GPT2: variants seen among roughly 807,000 people sequenced by gnomAD.
GPT2 encodes alanine aminotransferase 2.
A neutral mutation model predicts 56.9 loss-of-function variants in GPT2; 30 were observed. The ratio of observed to expected loss-of-function variants is 0.53; its 90% CI spans 0.39 to 0.72. The LOEUF (loss-of-function observed/expected upper bound fraction) is 0.72, where lower values mean the gene tolerates loss of function less well. Among genes scored for constraint, GPT2 ranks in the 30% least tolerant of loss-of-function variants. The pLI, the probability that GPT2 is intolerant of heterozygous loss-of-function variation, is 0.00. For synonymous variants in GPT2, 271 were observed against 283.1 expected, an observed-to-expected ratio of 0.96 and a Z score of 0.43; for missense variants, 542 against 703.4, an observed-to-expected ratio of 0.77 and a Z score of 2.60.
intron 4 of GPT2, 107 bp downstream of exon 4, chr16:46,900,897 T>C: frequency 1.2e-6 from 1 of 805,518 alleles, no homozygotes; most frequent in African/African-American, 1.7e-5. Flanking sequence ...TGTGAACGTG[T>C]GTGGGTGGCT....
intron 6 of GPT2, among the ~76,000 whole-genome samples, chr16:46,911,550 G>T (rs780449929): frequency 6.6e-6 from 1 of 152,146 alleles, no homozygotes; most frequent in East Asian, 1.9e-4. Context: ...CTGGTTGTAC[G>T]TTAGAATCAC....
intron 10 of GPT2, among the ~76,000 whole-genome samples, chr16:46,925,410 A>C (rs1961386992): frequency 6.6e-6 from 1 of 151,874 alleles, no homozygotes; most frequent in Admixed American, 6.6e-5. Context: ...TTTAGTAGAG[A>C]CGGGGTTTCA....
At chr16:46,921,908 C>CA (rs1488690883) in intron 8 of GPT2, among the ~76,000 whole-genome samples, 4 of 152,008 alleles carry the variant, frequency 2.6e-5, no homozygotes, top group Non-Finnish European at 5.9e-5. Context: ...CCTAAAGGTC[C>CA]ACCTACACAC....
At chr16:46,924,670 C>A in intron 10 of GPT2, 126 bp downstream of exon 10, 1 of 946,460 alleles carries the variant, frequency 1.1e-6, no homozygotes, top group Non-Finnish European at 1.6e-6. Context: ...ATGCACCTCT[C>A]GGCCAGAGGG....
chr16:46,907,016 A>T (rs958232597), intron 5 of GPT2, 41 bp downstream of exon 5: 1 of 1,611,904 alleles, frequency 6.2e-7, no homozygotes, highest in Non-Finnish European at 8.5e-7. Context: ...GTGTTTACCC[A>T]CATGAAGAGC....
chr16:46,892,291 A>G (rs904622239), intron 2 of GPT2, among the ~76,000 whole-genome samples: 9 of 152,226 alleles, frequency 5.9e-5, no homozygotes, highest in African/African-American at 2.2e-4. Flanking sequence ...GCTGAATAAT[A>G]GTCCATTGTG....
intron 2 of GPT2, 102 bp downstream of exon 2, chr16:46,885,060 C>T (rs1280710196): frequency 3.7e-6 from 5 of 1,358,620 alleles, no homozygotes; most frequent in Admixed American, 3.4e-5. Context: ...CCCCCATGGC[C>T]AGCTCCTCAG....
intron 4 of GPT2, among the ~76,000 whole-genome samples, chr16:46,905,447 C>G (rs759056554): frequency 1.3e-5 from 2 of 152,198 alleles, no homozygotes; most frequent in Non-Finnish European, 2.9e-5. Flanking sequence ...AGTCGCCATC[C>G]TGCCTCCTGG....
chr16:46,898,028 C>T (rs1400748790), intron 3 of GPT2, among the ~76,000 whole-genome samples: 1 of 151,980 alleles, frequency 6.6e-6, no homozygotes, highest in Non-Finnish European at 1.5e-5. Flanking sequence ...AGGCGGCAGC[C>T]CAGAGGACAG....
chr16:46,912,044 GAGTC>G (rs1961056319), intron 6 of GPT2, among the ~76,000 whole-genome samples: 1 of 152,222 alleles, frequency 6.6e-6, no homozygotes, highest in South Asian at 2.1e-4. Flanking sequence ...CACTGTGTGA[GAGTC>G]AGTCAGCTGT....
chr16:46,897,867 T>C (rs997474730), intron 3 of GPT2, 130 bp downstream of exon 3: 33 of 725,810 alleles, frequency 4.5e-5, no homozygotes, highest in Non-Finnish European at 6.6e-5. Flanking sequence ...CTGTCTCCCT[T>C]AGCCTCCTTC....
At chr16:46,925,212 G>T (rs1961381961) in intron 10 of GPT2, among the ~76,000 whole-genome samples, 1 of 151,454 alleles carries the variant, frequency 6.6e-6, no homozygotes, top group South Asian at 2.1e-4. Flanking sequence ...TGCCTGGCTT[G>T]TTTTTTTGTT....
intron 2 of GPT2, among the ~76,000 whole-genome samples, chr16:46,896,449 A>G (rs1223735794): frequency 1.3e-5 from 2 of 149,866 alleles, no homozygotes; most frequent in African/African-American, 4.9e-5. Flanking sequence ...TTAATCCCTG[A>G]TGCTTTTTTT....
At chr16:46,908,291 T>C (rs1596872978) in intron 5 of GPT2, among the ~76,000 whole-genome samples, 1 of 142,242 alleles carries the variant, frequency 7.0e-6, no homozygotes, top group African/African-American at 2.6e-5. Context: ...CAGTCCTGTG[T>C]TTGGGGGACT....
intron 7 of GPT2, among the ~76,000 whole-genome samples, chr16:46,918,044 C>T (rs1961205920): frequency 6.6e-6 from 1 of 152,120 alleles, no homozygotes; most frequent in Non-Finnish European, 1.5e-5. Flanking sequence ...GGGGAATTAA[C>T]CTCAAAGGCC....
At position 46,909,035 on chromosome 16, in the gene GPT2, A is replaced by C. The variant is rs141997342; in HGVS notation, c.577-649A>C. On this transcript the variant is annotated intron_variant, in intron 5 of 11. Coordinates refer to ENST00000340124, the MANE Select transcript of GPT2 (RefSeq NM_133443.4). ...CAACAAGCATCCTGCTCAGCTTGGA[A>C]AACAGGTCAAAGCGCCACCTGGTGG... is the stretch of plus-strand genomic sequence containing the variant. 5.8e-4 allele frequency among the ~76,000 whole-genome samples: 88 copies of C among 152,264 alleles called. No individual in the cohort carries two copies. The Middle Eastern group carries it at 0.014, about 24-fold the overall frequency.
chr16:46,887,785 T>C (rs528296421), intron 2 of GPT2, among the ~76,000 whole-genome samples: 1 of 152,246 alleles, frequency 6.6e-6, no homozygotes, highest in East Asian at 1.9e-4. Flanking sequence ...GTGTTTGACT[T>C]TGGGTGGCTG....
rs1398335643 is a variant in GPT2 at position 46,926,973 on chromosome 16, G to T, written c.1417G>T (p.Glu473Ter). ...DMFYCMKLLEETGICVVPGSG... is the reference protein window; with the variant it reads ...DMFYCMKLLE ...GTTCTACTGCATGAAGCTCCTGGAG[G>T]AGACTGGCATCTGTGTCGTGCCCGG... Residue 473 changes from glutamate to a stop codon, truncating the protein, a stop_gained, in exon 11 of 12, where the codon GAG becomes TAG. Coordinates refer to ENST00000340124, the MANE Select transcript of GPT2 (RefSeq NM_133443.4). LOFTEE classifies it high-confidence loss of function. 1 of 1,609,474 alleles carries T rather than the reference G, an allele frequency of 6.2e-7. No individual in the cohort carries two copies. Among genetic ancestry groups the T allele is most frequent in the Non-Finnish European group, 8.5e-7 (1 of 1,178,072 alleles).
chr16:46,898,828 G>A (rs1210294474), intron 3 of GPT2, among the ~76,000 whole-genome samples: 2 of 149,540 alleles, frequency 1.3e-5, no homozygotes, highest in Admixed American at 6.7e-5. Context: ...GCGATTACAG[G>A]CGTGAGCCAC....
Sources: allele counts gnomAD v4.1 joint callset (sites outside exome capture counted in the v4.1 genomes callset), GRCh38; gene constraint gnomAD v4.1.1; transcripts MANE v1.5; gene names NCBI Gene and HGNC (gene_info 2026-07-23, HGNC 2026-07-21).